The following TAFA5 variants were observed in gnomAD, a reference collection of about 807,000 sequenced individuals.
TAFA5 encodes the protein TAFA chemokine like family member 5.
TAFA5 carries 6 observed loss-of-function variants against 15.3 expected under a neutral mutation model. That is an observed-to-expected ratio of 0.39 (90% CI 0.21 to 0.77). The LOEUF (loss-of-function observed/expected upper bound fraction) is 0.77. TAFA5 is among the 30% of genes least tolerant of loss of function. TAFA5 has a pLI of 0.41. For missense variants in TAFA5, 161 were observed against 193.1 expected (o/e 0.83, Z 0.98); for synonymous variants, 103 against 80.7 (o/e 1.28, Z -1.48).
chr22:48,665,014 C>T (rs1332492134), intron 2 of TAFA5, among the ~76,000 whole-genome samples: 3 of 152,108 alleles, frequency 2.0e-5, no homozygotes, highest in Admixed American at 6.5e-5. Flanking sequence ...TTTCTCAAAG[C>T]GATTGTATCA....
intron 1 of TAFA5, among the ~76,000 whole-genome samples, chr22:48,575,468 C>A (rs1410218511): frequency 1.4e-5 from 2 of 146,256 alleles, no homozygotes; most frequent in East Asian, 2.0e-4. Context: ...CCGCGCTCCC[C>A]CTCCCGCCGC....
intron 1 of TAFA5, among the ~76,000 whole-genome samples, chr22:48,551,336 G>A (rs574246438): frequency 6.6e-6 from 1 of 152,228 alleles, no homozygotes; most frequent in South Asian, 2.1e-4. Context: ...TGACCCAGAC[G>A]CCTGGCATAG....
At chr22:48,539,111 G>A (rs1269505847) in intron 1 of TAFA5, 1 of 260,960 alleles carries the variant, frequency 3.8e-6, no homozygotes. Context: ...CTGAATCCCG[G>A]GGAGAGAAGT....
rs189986426 is a variant in TAFA5 at position 48,578,334 on chromosome 22, C to A, written c.113-68263C>A. 2.0e-5 allele frequency among the ~76,000 whole-genome samples: 3 copies of A among 152,192 alleles called. No individual in the cohort carries two copies. In the East Asian group the frequency reaches 5.8e-4, roughly 29 times the overall value. ...AGGGCTTCCTTTCTGCCTCGCCCTGCGGCGCTGCCCCAGTGCAGGTGCCTC... is the reference window on the plus strand; with the variant it reads ...AGGGCTTCCTTTCTGCCTCGCCCTGAGGCGCTGCCCCAGTGCAGGTGCCTC... On this transcript the variant is annotated intron_variant, in intron 1 of 3. Coordinates refer to ENST00000402357, the MANE Select transcript of TAFA5 (RefSeq NM_001082967.3).
At chr22:48,723,289 C>T (rs145379862) in intron 3 of TAFA5, among the ~76,000 whole-genome samples, 3 of 152,228 alleles carry the variant, frequency 2.0e-5, no homozygotes, top group African/African-American at 7.2e-5. Flanking sequence ...TGTTAAAGAT[C>T]AGTCTTTAAA....
chr22:48,713,014 T>G (rs1004665133), intron 3 of TAFA5, among the ~76,000 whole-genome samples: 1 of 152,198 alleles, frequency 6.6e-6, no homozygotes. Context: ...CTCAGCCACG[T>G]TTTTGTAGTG....
At chr22:48,575,549 C>T (rs964600767) in intron 1 of TAFA5, among the ~76,000 whole-genome samples, 2 of 146,388 alleles carry the variant, frequency 1.4e-5, no homozygotes, top group Admixed American at 6.8e-5. Context: ...CGGCGTCCCG[C>T]GGGCGGCGAG....
chr22:48,489,606 C>A lies in TAFA5; in HGVS notation c.14C>A (p.Pro5His), dbSNP rs760530595. 40 of 1,494,172 alleles carry A rather than the reference C, an allele frequency of 2.7e-5. No individual in the cohort carries two copies. The highest frequency in any genetic ancestry group is 3.6e-5 in the Non-Finnish European group (40 of 1,118,920). The allele number at this position is 1,494,172 out of a possible 1,614,324, so 92.6% of individuals were successfully genotyped here. The part of the protein sequence containing the change: MAPS[P>H]RTGSRQDATA... ...GCCGCGGCTTCAATGGCGCCATCGC[C>A]CAGGACCGGCAGCCGGCAAGATGCG... The change falls in exon 1 of 4, where the codon CCC (proline) becomes CAC (histidine). Residue 5 changes from proline (P) to histidine (H), a missense_variant. Transcript: ENST00000402357. The surrounding 1 kb of genome is among the most constrained non-coding windows in gnomAD (Gnocchi z 5.5).
At chr22:48,525,153 T>G (rs547157888) in intron 1 of TAFA5, among the ~76,000 whole-genome samples, 32 of 152,342 alleles carry the variant, frequency 2.1e-4, no homozygotes, top group Middle Eastern at 6.8e-3. Context: ...GACCCTTGAC[T>G]TAATCACATC....
intron 1 of TAFA5, among the ~76,000 whole-genome samples, chr22:48,492,993 G>A (rs1275948570): frequency 6.6e-6 from 1 of 152,188 alleles, no homozygotes; most frequent in African/African-American, 2.4e-5. Flanking sequence ...GACCCAGCTA[G>A]AGCTGGTTGA....
At chr22:48,632,686 C>T (rs1429881685) in intron 1 of TAFA5, among the ~76,000 whole-genome samples, 1 of 152,196 alleles carries the variant, frequency 6.6e-6, no homozygotes. Flanking sequence ...AGGGCCCTGG[C>T]CCTGGGAGGT....
At chr22:48,551,321 G>A (rs955532110) in intron 1 of TAFA5, among the ~76,000 whole-genome samples, 1 of 152,122 alleles carries the variant, frequency 6.6e-6, no homozygotes, top group African/African-American at 2.4e-5. Flanking sequence ...TGGGCGGCTC[G>A]GCTCTGACCC....
chr22:48,646,720 C>T lies in TAFA5; in HGVS notation c.236C>T (p.Thr79Met), dbSNP rs767438176. 5.1e-5 allele frequency: 81 copies of T among 1,589,314 alleles called. 1 individual carries two copies. Among genetic ancestry groups the T allele is most frequent in the South Asian group, 1.9e-4 (17 of 89,352 alleles). Reference sequence around the variant, plus strand: ...AGAAAGGGGCAGATCGCCGGCACCACGAGAGCCCGGCCCGCCTGTGTGGAC... The same window carrying T: ...AGAAAGGGGCAGATCGCCGGCACCATGAGAGCCCGGCCCGCCTGTGTGGAC... Reference protein sequence around the residue: ...ACRKGQIAGTTRARPACVDAR... With the variant: ...ACRKGQIAGTMRARPACVDAR... Residue 79 changes from threonine to methionine, a missense_variant, in exon 2 of 4, where the codon ACG becomes ATG. Coordinates refer to ENST00000402357, the MANE Select transcript of TAFA5 (RefSeq NM_001082967.3).
chr22:48,660,306 C>G (rs961201111), intron 2 of TAFA5, among the ~76,000 whole-genome samples: 1 of 152,068 alleles, frequency 6.6e-6, no homozygotes. Flanking sequence ...AGCACAGTTG[C>G]TGTTTGCTGA....
chr22:48,725,936 A>G (rs1190398522), intron 3 of TAFA5, among the ~76,000 whole-genome samples: 1 of 152,158 alleles, frequency 6.6e-6, no homozygotes, highest in African/African-American at 2.4e-5. Flanking sequence ...CCAACGAAAA[A>G]CCAAACAAAA....
intron 3 of TAFA5, among the ~76,000 whole-genome samples, chr22:48,739,741 CCT>C (rs1255435615): frequency 3.3e-5 from 5 of 152,198 alleles, no homozygotes; most frequent in Non-Finnish European, 7.3e-5. Flanking sequence ...GCTCCGCCTG[CCT>C]CTCTGTGTTT....
At chr22:48,582,730 TACACCACACACAAAATACAGTAC>T (rs1433890745) in intron 1 of TAFA5, among the ~76,000 whole-genome samples, 1 of 68,378 alleles carries the variant, frequency 1.5e-5, no homozygotes, top group South Asian at 4.6e-4. Flanking sequence ...ACACTCAAAA[TACACCACACACAAAATACAGTAC>T]ACACCACACA....
At chr22:48,590,342 T>C (rs867889223) in intron 1 of TAFA5, among the ~76,000 whole-genome samples, 2 of 152,244 alleles carry the variant, frequency 1.3e-5, no homozygotes, top group African/African-American at 4.8e-5. Context: ...AAGATGGTTT[T>C]ATGCGGATGC....
At chr22:48,526,331 G>A (rs960229129) in intron 1 of TAFA5, among the ~76,000 whole-genome samples, 1 of 152,248 alleles carries the variant, frequency 6.6e-6, no homozygotes, top group Non-Finnish European at 1.5e-5. Context: ...TCCACCTGCA[G>A]GGATCCTTCA....
Sources: gnomAD v4.1 joint callset for allele counts (sites outside exome capture counted in the v4.1 genomes callset) on GRCh38, gnomAD v4.1.1 for gene constraint, Gnocchi (gnomAD v3.1) non-coding constraint, MANE v1.5 for transcripts, NCBI Gene and HGNC (gene_info 2026-07-23, HGNC 2026-07-21) for gene names.